Variants in FBXL13 observed in about 807,000 individuals in gnomAD.
FBXL13 encodes F-box and leucine-rich repeat protein 13.
FBXL13 carries 67 observed loss-of-function variants against 83.6 expected under a neutral mutation model. The observed-to-expected ratio is 0.80, with a 90% CI of 0.66 to 0.98. The LOEUF is 0.98. FBXL13 is among the 50% of genes least tolerant of loss of function. The pLI is 0.00. For synonymous variants in FBXL13, 272 were observed against 299.5 expected (o/e 0.91, Z 0.95); for missense variants, 822 against 866.5 (o/e 0.95, Z 0.64).
At chr7:102,854,669 G>C in intron 17 of FBXL13, 108 bp downstream of exon 18, 1 of 597,838 alleles carries the variant, frequency 1.7e-6, no homozygotes, top group Non-Finnish European at 2.8e-6. Context: ...TTTATATTTT[G>C]CAATTCTGTT....
At chr7:103,037,203 C>T (rs1249731309) in intron 2 of FBXL13, among the ~76,000 whole-genome samples, 1 of 152,072 alleles carries the variant, frequency 6.6e-6, no homozygotes, top group Non-Finnish European at 1.5e-5. Flanking sequence ...TATTTTGATG[C>T]CTTATCAGAT....
At chr7:103,021,355 T>G (rs1383497465) in intron 6 of FBXL13, among the ~76,000 whole-genome samples, 1 of 152,148 alleles carries the variant, frequency 6.6e-6, no homozygotes, top group Non-Finnish European at 1.5e-5. Flanking sequence ...AAGACTTAAA[T>G]GTTAGACCTA....
At chr7:102,900,320 C>T (rs1412336262) in intron 11 of FBXL13, among the ~76,000 whole-genome samples, 5 of 152,056 alleles carry the variant, frequency 3.3e-5, no homozygotes, top group African/African-American at 4.8e-5. Context: ...ATCGCAGTGC[C>T]CAGTATGCAT....
At chr7:102,920,975 A>G (rs1429479825) in intron 10 of FBXL13, among the ~76,000 whole-genome samples, 1 of 151,978 alleles carries the variant, frequency 6.6e-6, no homozygotes, top group East Asian at 1.9e-4. Context: ...AACATGATGA[A>G]ACCCTGTCGC....
At chr7:102,914,334 A>T (rs1404497872) in intron 10 of FBXL13, among the ~76,000 whole-genome samples, 1 of 152,190 alleles carries the variant, frequency 6.6e-6, no homozygotes, top group East Asian at 1.9e-4. Context: ...TGGCCTCCCA[A>T]AGTGCTCGGA....
intron 8 of FBXL13, among the ~76,000 whole-genome samples, chr7:102,955,738 G>C (rs1352210179): frequency 6.6e-6 from 1 of 151,998 alleles, no homozygotes; most frequent in Admixed American, 6.5e-5. Flanking sequence ...ACTACCATCA[G>C]AGAACACTAT....
intron 1 of FBXL13, among the ~76,000 whole-genome samples, chr7:103,067,200 T>G (rs1222465715): frequency 2.0e-5 from 3 of 152,204 alleles, no homozygotes; most frequent in Non-Finnish European, 4.4e-5. Context: ...AATTGTGTGT[T>G]CTTCCTTTAA....
At chr7:102,822,291 A>G in intron 18 of FBXL13, 88 bp from the exon 20 acceptor site, 1 of 1,218,522 alleles carries the variant, frequency 8.2e-7, no homozygotes, top group Non-Finnish European at 1.2e-6. Flanking sequence ...AACTATAATA[A>G]ACTACCACAG....
intron 19 of FBXL13, chr7:102,814,271 A>C (rs1370908172): frequency 6.6e-6 from 1 of 152,202 alleles, no homozygotes; most frequent in Non-Finnish European, 1.5e-5. Context: ...GTACGATTAG[A>C]AATGAGTAAC....
chr7:102,929,932 T>A (rs572778559), intron 9 of FBXL13, among the ~76,000 whole-genome samples: 1 of 152,040 alleles, frequency 6.6e-6, no homozygotes, highest in South Asian at 2.1e-4. Context: ...TAAAGCTGTT[T>A]ATTAAAGGTC....
At chr7:102,958,831 A>G (rs928796410) in intron 8 of FBXL13, among the ~76,000 whole-genome samples, 2 of 152,070 alleles carry the variant, frequency 1.3e-5, no homozygotes, top group African/African-American at 4.8e-5. Flanking sequence ...GACCAGACAG[A>G]ATGAGGAACA....
At chr7:102,848,332 G>A (rs1180526683) in intron 17 of FBXL13, among the ~76,000 whole-genome samples, 1 of 50,220 alleles carries the variant, frequency 2.0e-5, no homozygotes, top group South Asian at 6.9e-4. Context: ...CGAGGCGGGC[G>A]GATCACGAGG....
In FBXL13 at chr7:102,971,543, A is replaced by G. The variant is rs184613323; in HGVS notation, c.496-3426T>C. Reference sequence around the variant, plus strand: ...ACCCGGGCGGAGGTGGCGGTGAGCCAAGATTGTGCCATTGCACTCCAGCCT... The same window carrying G: ...ACCCGGGCGGAGGTGGCGGTGAGCCGAGATTGTGCCATTGCACTCCAGCCT... On this transcript the variant is annotated intron_variant, in intron 6 of 19. Coordinates refer to ENST00000313221, the Ensembl canonical transcript of FBXL13. 3.6e-3 allele frequency among the ~76,000 whole-genome samples: 540 copies of G among 151,338 alleles called. 5 individuals carry two copies. Among genetic ancestry groups the G allele is most frequent in the African/African-American group, 0.013 (533 of 41,196 alleles).
At chr7:102,878,574 A>G (rs1287790432) in intron 14 of FBXL13, 124 bp from the exon 16 acceptor site, 7 of 532,438 alleles carry the variant, frequency 1.3e-5, no homozygotes, top group Non-Finnish European at 2.0e-5. Context: ...ATATACTGGT[A>G]TTTTGTCAAT....
intron 16 of FBXL13, among the ~76,000 whole-genome samples, chr7:102,856,157 T>G (rs1482689438): frequency 6.6e-6 from 1 of 152,264 alleles, no homozygotes; most frequent in Non-Finnish European, 1.5e-5. Context: ...GATTGTTGAC[T>G]GTGGATTCTT....
chr7:102,958,553 AATAATAATAATAAT>A, intron 8 of FBXL13, among the ~76,000 whole-genome samples: 2 of 148,730 alleles, frequency 1.3e-5, no homozygotes, highest in Non-Finnish European at 3.0e-5. Flanking sequence ...TAATAATAAT[AATAATAATAATAAT>A]AAAACAGAGA....
At chr7:102,931,779 T>C (rs982158446) in intron 9 of FBXL13, 102 bp downstream of exon 10, 4 of 1,113,424 alleles carry the variant, frequency 3.6e-6, no homozygotes, top group Non-Finnish European at 5.2e-6. Context: ...TTTTCCACAT[T>C]GAATCCCAAA....
At chr7:102,834,093 A>AGG (rs1801322273) in intron 17 of FBXL13, among the ~76,000 whole-genome samples, 3 of 86,310 alleles carry the variant, frequency 3.5e-5, no homozygotes, top group African/African-American at 1.7e-4. Context: ...AAGAAAAGAA[A>AGG]GAAAGAAAGA....
intron 17 of FBXL13, 30 bp from the exon 19 acceptor site, chr7:102,833,004 C>A (rs773469618): frequency 1.3e-5 from 21 of 1,612,488 alleles, no homozygotes; most frequent in Middle Eastern, 3.3e-4. Flanking sequence ...CAAATTTTTT[C>A]TTTTCTTTAG....
Sources: gnomAD v4.1 joint callset for allele counts (sites outside exome capture counted in the v4.1 genomes callset) on GRCh38, gnomAD v4.1.1 for gene constraint, MANE v1.5 for transcripts, NCBI Gene and HGNC (gene_info 2026-07-23, HGNC 2026-07-21) for gene names.